Variants in PAPSS1 observed in about 807,000 individuals in gnomAD.
PAPSS1 encodes bifunctional 3'-phosphoadenosine 5'-phosphosulfate synthase 1.
In PAPSS1, 50 loss-of-function variants were observed where a neutral mutation model predicts 72.0. The observed-to-expected ratio is 0.69, with a 90% CI of 0.55 to 0.88. The LOEUF (loss-of-function observed/expected upper bound fraction) is 0.88. PAPSS1 is among the 40% of genes least tolerant of loss of function. PAPSS1 has a pLI of 0.00. For synonymous variants in PAPSS1, 261 were observed against 263.6 expected (o/e 0.99, Z 0.09); for missense variants, 657 against 782.2 (o/e 0.84, Z 1.91).
intron 1 of PAPSS1, among the ~76,000 whole-genome samples, chr4:107,713,413 G>A (rs1408687096): frequency 2.0e-5 from 3 of 152,056 alleles, no homozygotes; most frequent in Non-Finnish European, 4.4e-5. Flanking sequence ...AGATTCTGGT[G>A]ATGGCTGTAC....
intron 3 of PAPSS1, among the ~76,000 whole-genome samples, chr4:107,692,956 C>T (rs1722973444): frequency 2.0e-5 from 3 of 151,924 alleles, no homozygotes; most frequent in Admixed American, 6.6e-5. Flanking sequence ...TGAGAACACA[C>T]GGACACATGG....
intron 6 of PAPSS1, among the ~76,000 whole-genome samples, chr4:107,658,671 G>A (rs1478693330): frequency 6.6e-6 from 1 of 152,072 alleles, no homozygotes; most frequent in African/African-American, 2.4e-5. Context: ...GTGTTCCACT[G>A]CAAAATCAAT....
At chr4:107,642,816 G>A (rs908324430) in intron 10 of PAPSS1, among the ~76,000 whole-genome samples, 1 of 152,154 alleles carries the variant, frequency 6.6e-6, no homozygotes, top group African/African-American at 2.4e-5. Flanking sequence ...CTCAAGTACT[G>A]GTGAGGCAAT....
intron 3 of PAPSS1, among the ~76,000 whole-genome samples, chr4:107,688,695 T>C (rs1442383061): frequency 6.6e-6 from 1 of 152,068 alleles, no homozygotes; most frequent in African/African-American, 2.4e-5. Flanking sequence ...CTGCTCACCT[T>C]ACACAGTTCT....
rs781250381 is a variant in PAPSS1, at chr4:107,656,929, A to G, written c.862T>C (p.Leu288=). Residue 288 remains leucine (L), a synonymous_variant, in exon 7 of 12, where the codon TTG becomes CTG. Coordinates refer to ENST00000265174, the MANE Select transcript of PAPSS1 (RefSeq NM_005443.5). ...AGACAATCAAAATGAAGGCACTGCAAGTACTCCCTCTCTCTCATAAAGCCA... is the reference window on the plus strand; with the variant it reads ...AGACAATCAAAATGAAGGCACTGCAGGTACTCCCTCTCTCTCATAAAGCCA... The part of the protein sequence containing the change: ...LNGFMREREY[L]QCLHFDCLLD... 6.8e-6 allele frequency: 11 copies of G among 1,613,018 alleles called. No homozygotes were observed. The highest frequency in any genetic ancestry group is 1.6e-4 in the Middle Eastern group (1 of 6,082).
Position 107,622,022 on chromosome 4 carries a change from T to C in PAPSS1, c.1737-7635A>G, listed in dbSNP as rs539407918. Among the ~76,000 whole-genome samples the C allele has an allele frequency of 2.6e-5, 4 of 152,288 alleles. No individual in the cohort carries two copies. The South Asian group carries it at 8.3e-4, about 32-fold the overall frequency. On this transcript the variant is annotated intron_variant, in intron 11 of 11. Transcript: ENST00000265174. ...GGCACTTGTATGGGGAGACCTGGACTGCTCTACATATGCATTAGGGAAAAT... is the reference window on the plus strand; with the variant it reads ...GGCACTTGTATGGGGAGACCTGGACCGCTCTACATATGCATTAGGGAAAAT...
intron 1 of PAPSS1, among the ~76,000 whole-genome samples, chr4:107,707,646 T>C (rs1232590931): frequency 1.3e-5 from 2 of 152,222 alleles, no homozygotes; most frequent in Admixed American, 1.3e-4. Flanking sequence ...GGGGCAGTAA[T>C]ATAGGTCATG....
chr4:107,685,525 T>C (rs796643745), intron 4 of PAPSS1, among the ~76,000 whole-genome samples: 18 of 152,328 alleles, frequency 1.2e-4, no homozygotes, highest in African/African-American at 2.2e-4. Flanking sequence ...GAGAGTAATA[T>C]GGGAGCTGAA....
At chr4:107,668,668 C>T (rs574869902) in intron 5 of PAPSS1, among the ~76,000 whole-genome samples, 1 of 152,246 alleles carries the variant, frequency 6.6e-6, no homozygotes, top group East Asian at 1.9e-4. Flanking sequence ...GAACATCAGA[C>T]TCCAAGTTCT....
At chr4:107,634,975 T>G (rs1281978500) in intron 10 of PAPSS1, among the ~76,000 whole-genome samples, 2 of 151,952 alleles carry the variant, frequency 1.3e-5, no homozygotes, top group East Asian at 3.9e-4. Context: ...TTTTTTTGTA[T>G]TTTTAGTAGA....
At chr4:107,621,043 T>C (rs775593774) in intron 11 of PAPSS1, among the ~76,000 whole-genome samples, 15 of 152,282 alleles carry the variant, frequency 9.9e-5, no homozygotes, top group Middle Eastern at 6.8e-3. Flanking sequence ...CATCTGATGG[T>C]ACAGATACAG....
intron 10 of PAPSS1, among the ~76,000 whole-genome samples, chr4:107,633,176 G>A (rs1459354611): frequency 3.3e-5 from 5 of 152,044 alleles, no homozygotes; most frequent in African/African-American, 9.7e-5. Context: ...TACCATATTC[G>A]AGTATTTAAT....
chr4:107,703,013 T>C (rs993606227), intron 1 of PAPSS1, among the ~76,000 whole-genome samples: 2 of 152,188 alleles, frequency 1.3e-5, no homozygotes, highest in Non-Finnish European at 2.9e-5. Flanking sequence ...ACCAACACTT[T>C]TGTCTTTTTT....
chr4:107,661,892 T>G (rs1046126085), intron 5 of PAPSS1, among the ~76,000 whole-genome samples: 2 of 152,126 alleles, frequency 1.3e-5, no homozygotes, highest in Non-Finnish European at 2.9e-5. Context: ...TCAACAACTA[T>G]GGGTTCTGAA....
chr4:107,657,592 G>A (rs746729272), intron 6 of PAPSS1, among the ~76,000 whole-genome samples: 27 of 151,992 alleles, frequency 1.8e-4, no homozygotes, highest in Non-Finnish European at 3.1e-4. Flanking sequence ...ATGTGGTGGC[G>A]CATTCCTGTA....
intron 7 of PAPSS1, 34 bp downstream of exon 7, chr4:107,656,862 C>T: frequency 2.2e-6 from 3 of 1,365,846 alleles, no homozygotes; most frequent in Non-Finnish European, 2.1e-6. Flanking sequence ...TTCTCTTCCA[C>T]ATACAATATA....
intron 10 of PAPSS1, among the ~76,000 whole-genome samples, chr4:107,641,220 A>C (rs1001235012): frequency 4.6e-5 from 7 of 152,100 alleles, no homozygotes; most frequent in African/African-American, 9.7e-5. Flanking sequence ...GCTCACCCTC[A>C]TTATCTGATC....
In PAPSS1 at chr4:107,720,123, G is replaced by C. The variant is rs759346353; in HGVS notation, c.57C>G (p.Asn19Lys). 6.2e-7 allele frequency: 1 copy of C among 1,605,814 alleles called. No homozygotes were observed. ...CTCGCCTTCGTCCCCAGCTTACCCA[G>C]TTCTGCGCGTTATTGCTCAGTTTGA... ...KKVKLSNNAQ[N>K]WGMQRATNVT... Residue 19 changes from asparagine (N) to lysine (K), a missense_variant, in exon 1 of 12, where the codon AAC becomes AAG. By Grantham distance (94) the Asn-to-Lys change is moderately conservative. This residue lies in a region of PAPSS1 where 48 missense variants were observed against 31.9 expected (regional missense o/e 1.51). Transcript: ENST00000265174.
At chr4:107,702,239 T>C (rs1234410190) in intron 1 of PAPSS1, among the ~76,000 whole-genome samples, 3 of 152,090 alleles carry the variant, frequency 2.0e-5, no homozygotes, top group Admixed American at 6.5e-5. Context: ...GTTGCGAAAA[T>C]AGTAGTCATT....
Sources: gnomAD v4.1 joint callset for allele counts (sites outside exome capture counted in the v4.1 genomes callset) on GRCh38, gnomAD v4.1.1 for gene constraint, gnomAD v4.1.1 regional missense constraint, MANE v1.5 for transcripts, NCBI Gene and HGNC (gene_info 2026-07-23, HGNC 2026-07-21) for gene names.